Variants in MUC13 observed in about 807,000 individuals in gnomAD.
MUC13 encodes mucin-13.
A neutral mutation model predicts 48.3 loss-of-function variants in MUC13; 32 were observed. The observed-to-expected ratio is 0.66, with a 90% CI of 0.50 to 0.89. The LOEUF (loss-of-function observed/expected upper bound fraction) is 0.89, where lower values mean the gene tolerates loss of function less well. Ranked by LOEUF, MUC13 falls within the 40% of genes least tolerant of loss-of-function variation. The pLI is 0.00. For synonymous variants in MUC13, 199 were observed against 224.9 expected, an observed-to-expected ratio of 0.88 and a Z score of 1.03; for missense variants, 571 against 622.8, an observed-to-expected ratio of 0.92 and a Z score of 0.88.
At chr3:124,929,493 G>A (rs1411551463) in intron 1 of MUC13, among the ~76,000 whole-genome samples, 2 of 152,208 alleles carry the variant, frequency 1.3e-5, no homozygotes, top group Admixed American at 6.5e-5. Context: ...CTGATTCCCC[G>A]ATGGGTCTAT....
chr3:124,914,563 T>C lies in MUC13; in HGVS notation c.965-882A>G, dbSNP rs570014771. On this transcript the variant is annotated intron_variant, in intron 6 of 11. Coordinates refer to ENST00000616727, the MANE Select transcript of MUC13 (RefSeq NM_033049.4). ...ATGAAAATGCCTCTGATTAAAAGCCTAGAGCAAGAGATTCTACAATTTTGG... is the reference window on the plus strand; with the variant it reads ...ATGAAAATGCCTCTGATTAAAAGCCCAGAGCAAGAGATTCTACAATTTTGG... Among the ~76,000 whole-genome samples, 6 of 152,284 alleles carry C rather than the reference T, an allele frequency of 3.9e-5. No individual in the cohort carries two copies. In the East Asian group the frequency reaches 1.2e-3, roughly 29 times the overall value.
chr3:124,914,644 C>T (rs1008526507), intron 6 of MUC13, among the ~76,000 whole-genome samples: 4 of 151,794 alleles, frequency 2.6e-5, no homozygotes, highest in African/African-American at 2.4e-5. Flanking sequence ...AAGTGTTTTC[C>T]GGCCAGGTAT....
intron 4 of MUC13, 51 bp downstream of exon 4, chr3:124,922,145 CA>C (rs1935607066): frequency 1.2e-6 from 2 of 1,600,348 alleles, no homozygotes; most frequent in African/African-American, 2.7e-5. Context: ...CTCTGCAACT[CA>C]GTGTTAGAAC....
chr3:124,913,230 G>A lies in MUC13; in HGVS notation c.1095C>T (p.Leu365=). 3 of 1,610,368 alleles carry A rather than the reference G, an allele frequency of 1.9e-6. No homozygotes were observed. The highest frequency in any genetic ancestry group is 1.1e-5 in the South Asian group (1 of 90,362). The change falls in exon 8 of 12, where the codon CTC becomes CTT. Residue 365 remains leucine, a synonymous_variant. Transcript: ENST00000616727. The part of the protein sequence containing the change: ...PQSPFCVASS[L]KCPDACNAQH... Reference sequence around the variant, plus strand: ...GTGCGTTGCAGGCATCAGGACACTTGAGACTGGAAGCTTCAAAACAGAATG... The same window carrying A: ...GTGCGTTGCAGGCATCAGGACACTTAAGACTGGAAGCTTCAAAACAGAATG...
At chr3:124,926,840 C>A (rs1201515827) in intron 2 of MUC13, among the ~76,000 whole-genome samples, 1 of 152,228 alleles carries the variant, frequency 6.6e-6, no homozygotes, top group Non-Finnish European at 1.5e-5. Context: ...ACATGGCCCA[C>A]AAGGCCATTT....
chr3:124,920,978 G>A (rs771843929), intron 4 of MUC13, among the ~76,000 whole-genome samples: 22 of 152,248 alleles, frequency 1.4e-4, no homozygotes, highest in African/African-American at 3.9e-4. Context: ...GCGTTGTCAC[G>A]TACTGGCTGG....
At chr3:124,924,596 G>T (rs559839773) in intron 2 of MUC13, among the ~76,000 whole-genome samples, 1 of 152,230 alleles carries the variant, frequency 6.6e-6, no homozygotes, top group African/African-American at 2.4e-5. Context: ...ATAAAAGAAG[G>T]GAAGGATTAT....
At chr3:124,924,468 T>C (rs1324201400) in intron 2 of MUC13, among the ~76,000 whole-genome samples, 1 of 152,248 alleles carries the variant, frequency 6.6e-6, no homozygotes, top group Non-Finnish European at 1.5e-5. Context: ...GAATAGCTTA[T>C]GTGTTTGATA....
chr3:124,909,046 C>T (rs541302610), intron 10 of MUC13, among the ~76,000 whole-genome samples: 1 of 151,994 alleles, frequency 6.6e-6, no homozygotes, highest in Non-Finnish European at 1.5e-5. Flanking sequence ...CCCAGCTACT[C>T]GGGAGGCCGA....
intron 9 of MUC13, 73 bp from the exon 10 acceptor site, chr3:124,910,572 A>G (rs1935404044): frequency 6.3e-7 from 1 of 1,584,228 alleles, no homozygotes; most frequent in East Asian, 2.3e-5. Flanking sequence ...AGGTTCGTGT[A>G]TTCCCAGGGA....
Position 124,905,488 on chromosome 3 carries a change from A to G in MUC13, c.*1255T>C, listed in dbSNP as rs1935300620. ...TATTGCATTACCATTCACAATTAAC[A>G]GTCAAGAACAAATAATAATAACAAA... On this transcript the variant is annotated 3_prime_UTR_variant, in exon 12 of 12. Coordinates refer to ENST00000616727, the MANE Select transcript of MUC13 (RefSeq NM_033049.4). The G allele has an allele frequency of 6.6e-6, 1 of 152,308 alleles. No individual in the cohort carries two copies. Among genetic ancestry groups the G allele is most frequent in the African/African-American group, 2.4e-5 (1 of 41,448 alleles). 9.4% of individuals were successfully genotyped at this position (152,308 alleles called of 1,614,324 possible).
At chr3:124,907,299 C>T (rs1431739426) in intron 11 of MUC13, among the ~76,000 whole-genome samples, 1 of 152,152 alleles carries the variant, frequency 6.6e-6, no homozygotes, top group African/African-American at 2.4e-5. Context: ...AGCCAACAAG[C>T]TAAGTTCCAT....
chr3:124,907,669 G>T (rs952027872), intron 11 of MUC13, among the ~76,000 whole-genome samples: 12 of 151,988 alleles, frequency 7.9e-5, no homozygotes, highest in African/African-American at 2.7e-4. Context: ...GAGAGAGAGA[G>T]AGAGAGAGAG....
intron 5 of MUC13, among the ~76,000 whole-genome samples, chr3:124,919,356 G>GTT (rs764689690): frequency 3.4e-4 from 42 of 123,664 alleles, no homozygotes; most frequent in African/African-American, 5.2e-4. Flanking sequence ...AAAAAAAATG[G>GTT]TTTTTTTTTT....
chr3:124,925,562 T>A (rs1184983836), intron 2 of MUC13, among the ~76,000 whole-genome samples: 1 of 152,220 alleles, frequency 6.6e-6, no homozygotes, highest in African/African-American at 2.4e-5. Flanking sequence ...GAAACCTCTG[T>A]ACCTTTCTCT....
At chr3:124,912,929 C>A (rs1452244824) in intron 8 of MUC13, among the ~76,000 whole-genome samples, 182 bp downstream of exon 8, 2 of 138,520 alleles carry the variant, frequency 1.4e-5, no homozygotes, top group Non-Finnish European at 3.1e-5. Flanking sequence ...GAGTGAGACT[C>A]CATCTCAAAA....
chr3:124,928,406 T>C, intron 1 of MUC13, among the ~76,000 whole-genome samples: 1 of 152,058 alleles, frequency 6.6e-6, no homozygotes, highest in South Asian at 2.1e-4. Context: ...AGGAATAAGG[T>C]CTTGCTCTGC....
At chr3:124,929,746 G>A (rs1282571708) in intron 1 of MUC13, among the ~76,000 whole-genome samples, 1 of 152,218 alleles carries the variant, frequency 6.6e-6, no homozygotes, top group Admixed American at 6.5e-5. Context: ...TGACAGAAGA[G>A]CCCACCAATA....
intron 10 of MUC13, among the ~76,000 whole-genome samples, chr3:124,909,832 A>G (rs1935388251): frequency 1.3e-5 from 2 of 152,234 alleles, no homozygotes; most frequent in Admixed American, 6.5e-5. Context: ...ACATTAACAA[A>G]GAGTTTTTAA....
Sources: gnomAD v4.1 joint callset for allele counts (sites outside exome capture counted in the v4.1 genomes callset) on GRCh38, gnomAD v4.1.1 for gene constraint, MANE v1.5 for transcripts, NCBI Gene and HGNC (gene_info 2026-07-23, HGNC 2026-07-21) for gene names.